Variants in MSH4 observed in about 807,000 individuals in gnomAD.
MSH4 encodes mutS homolog 4.
Under a neutral mutation model 113.7 loss-of-function variants are expected in MSH4, and 106 were observed. That is an observed-to-expected ratio of 0.93 (90% CI 0.80 to 1.10). The LOEUF (loss-of-function observed/expected upper bound fraction) is 1.10, where lower values mean the gene tolerates loss of function less well. MSH4 is among the 50% of genes least tolerant of loss of function. The pLI, the probability that MSH4 is intolerant of heterozygous loss-of-function variation, is 0.00. For missense variants in MSH4, 1,061 were observed against 1,093.7 expected (o/e 0.97, Z 0.42); for synonymous variants, 368 against 380.2 (o/e 0.97, Z 0.37).
At chr1:75,858,232 C>G (rs963140059) in intron 8 of MSH4, among the ~76,000 whole-genome samples, 2 of 152,238 alleles carry the variant, frequency 1.3e-5, no homozygotes, top group African/African-American at 4.8e-5. Context: ...TTGACTTCCT[C>G]TCTTCCTATT....
chr1:75,811,796 C>A (rs1314485980), intron 4 of MSH4, among the ~76,000 whole-genome samples: 1 of 152,178 alleles, frequency 6.6e-6, no homozygotes, highest in African/African-American at 2.4e-5. Context: ...TTTACTTTAA[C>A]ACATTTGGAA....
rs1257963652 is a variant in MSH4 at position 75,904,501 on chromosome 1, T to C, written c.2619+4795T>C. Among the ~76,000 whole-genome samples the C allele has an allele frequency of 2.1e-5, 3 of 145,996 alleles. No individual in the cohort carries two copies. In the Admixed American group the frequency reaches 2.1e-4, roughly 10 times the overall value. ...AGTGAAGTCATCAGGTACTGGCTTT[T>C]CTTCTTTTTCTTTTTCTTTCTTTTT... On this transcript the variant is annotated intron_variant, in intron 19 of 19. Transcript: ENST00000263187.
chr1:75,852,687 A>G (rs1651215087), intron 8 of MSH4, among the ~76,000 whole-genome samples: 1 of 152,000 alleles, frequency 6.6e-6, no homozygotes, highest in Admixed American at 6.6e-5. Context: ...ATTTATTAAT[A>G]TTATTTGCCC....
intron 4 of MSH4, among the ~76,000 whole-genome samples, chr1:75,813,597 A>C (rs1183861060): frequency 2.6e-5 from 4 of 152,174 alleles, no homozygotes; most frequent in Non-Finnish European, 5.9e-5. Context: ...ATTTGGGCAA[A>C]GTTCTGAATG....
At chr1:75,832,740 T>A (rs1165089838) in intron 7 of MSH4, among the ~76,000 whole-genome samples, 1 of 151,402 alleles carries the variant, frequency 6.6e-6, no homozygotes, top group African/African-American at 2.4e-5. Context: ...CCACAGCCCT[T>A]CATGCTAAAA....
chr1:75,839,175 G>C (rs775251463), intron 7 of MSH4, among the ~76,000 whole-genome samples: 9 of 151,960 alleles, frequency 5.9e-5, no homozygotes, highest in Non-Finnish European at 1.2e-4. Flanking sequence ...AAATTTCAAA[G>C]TGATATCTAT....
intron 6 of MSH4, 66 bp from the exon 7 acceptor site, chr1:75,822,343 A>C (rs1294609911): frequency 1.9e-6 from 2 of 1,064,688 alleles, no homozygotes; most frequent in Non-Finnish European, 2.7e-6. Flanking sequence ...ATTTAATTAC[A>C]AAGTGAAATG....
intron 7 of MSH4, among the ~76,000 whole-genome samples, chr1:75,840,688 A>C (rs1430466846): frequency 6.7e-6 from 1 of 148,770 alleles, no homozygotes; most frequent in Non-Finnish European, 1.5e-5. Flanking sequence ...ATAAAAAATA[A>C]AATAAAATAA....
In MSH4 at chr1:75,886,476, A is replaced by G. The variant is rs1233762391; in HGVS notation, c.2107+2655A>G. Among the ~76,000 whole-genome samples the G allele has an allele frequency of 4.0e-5, 5 of 124,822 alleles. No homozygotes were observed. In the Admixed American group the frequency reaches 4.6e-4, roughly 11 times the overall value. 81.9% of individuals were successfully genotyped at this position (124,822 alleles called of 152,430 possible). On this transcript the variant is annotated intron_variant, in intron 15 of 19. Transcript: ENST00000263187. ...TATGATGTATTATATATTATATATA[A>G]TATATATGATGTATTATATATGATG... is the stretch of plus-strand genomic sequence containing the variant.
At chr1:75,886,779 A>G (rs1652131834) in intron 15 of MSH4, among the ~76,000 whole-genome samples, 1 of 140,928 alleles carries the variant, frequency 7.1e-6, no homozygotes, top group South Asian at 2.1e-4. Flanking sequence ...TATAGTTATT[A>G]TACCTTATAT....
At chr1:75,891,214 C>G (rs1185813685) in intron 17 of MSH4, among the ~76,000 whole-genome samples, 6 of 151,994 alleles carry the variant, frequency 3.9e-5, no homozygotes, top group Admixed American at 3.9e-4. Flanking sequence ...TTTTACCTAC[C>G]TAAGTAAATT....
At chr1:75,820,338 T>C (rs1403382515) in intron 6 of MSH4, among the ~76,000 whole-genome samples, 1 of 152,206 alleles carries the variant, frequency 6.6e-6, no homozygotes, top group Admixed American at 6.5e-5. Context: ...CCTCATAAAA[T>C]GAGTTAGGGA....
At chr1:75,911,459 CT>C (rs1285795107) in intron 19 of MSH4, among the ~76,000 whole-genome samples, 5 of 152,086 alleles carry the variant, frequency 3.3e-5, no homozygotes, top group Non-Finnish European at 7.4e-5. Flanking sequence ...TCAAGCTTTT[CT>C]TGGCCTGAGC....
rs189709500 is a variant in MSH4 at position 75,885,256 on chromosome 1, T to C, written c.2107+1435T>C. On this transcript the variant is annotated intron_variant, in intron 15 of 19. Coordinates refer to ENST00000263187, the MANE Select transcript of MSH4 (RefSeq NM_002440.4). Reference sequence around the variant, plus strand: ...AAATATATATATTATATACATTATATATATAAAATATGTATATAATACCGT... The same window carrying C: ...AAATATATATATTATATACATTATACATATAAAATATGTATATAATACCGT... Among the ~76,000 whole-genome samples, 201 of 143,050 alleles carry C rather than the reference T, an allele frequency of 1.4e-3. 1 individual carries two copies. Among genetic ancestry groups the C allele is most frequent in the African/African-American group, 5.0e-3 (195 of 38,950 alleles). The allele number at this position is 143,050 out of a possible 152,430, so 93.8% of individuals were successfully genotyped here.
chr1:75,805,234 C>T (rs1650033865), intron 2 of MSH4, among the ~76,000 whole-genome samples: 1 of 152,096 alleles, frequency 6.6e-6, no homozygotes, highest in African/African-American at 2.4e-5. Flanking sequence ...GCTGTTATCT[C>T]TCTGTTGTAA....
At chr1:75,893,318 A>G (rs982033476) in intron 17 of MSH4, among the ~76,000 whole-genome samples, 1 of 152,180 alleles carries the variant, frequency 6.6e-6, no homozygotes, top group Non-Finnish European at 1.5e-5. Flanking sequence ...TCAAACCCAG[A>G]ATCTCATCCT....
chr1:75,828,494 A>G (rs1418669844), intron 7 of MSH4, among the ~76,000 whole-genome samples: 1 of 152,194 alleles, frequency 6.6e-6, no homozygotes, highest in Non-Finnish European at 1.5e-5. Flanking sequence ...GAATGAAATC[A>G]TGTTCTTTTT....
rs142299451 is a variant in MSH4 at position 75,816,460 on chromosome 1, T to G, written c.903T>G (p.Ile301Met). The G allele has an allele frequency of 3.0e-5, 48 of 1,611,216 alleles. No homozygotes were observed. In the Admixed American group the frequency reaches 5.3e-4, roughly 18 times the overall value. Reference sequence around the variant, plus strand: ...TTTATGCACCAAAATCACTGAAGATTTGTTTCCAGGGTAGTGAACAGACAG... The same window carrying G: ...TTTATGCACCAAAATCACTGAAGATGTGTTTCCAGGGTAGTGAACAGACAG... ...NSVYAPKSLK[I>M]CFQGSEQTAM... The change falls in exon 6 of 20, where the codon ATT (isoleucine) becomes ATG (methionine). Residue 301 changes from isoleucine to methionine, a missense_variant. Transcript: ENST00000263187.
At position 75,879,147 on chromosome 1, in the gene MSH4, A is replaced by C. The variant is rs1238528471; in HGVS notation, c.1677+19A>C. 6.3e-7 allele frequency: 1 copy of C among 1,599,998 alleles called. No individual in the cohort carries two copies. The highest frequency in any genetic ancestry group is 8.5e-7 in the Non-Finnish European group (1 of 1,170,108). ...TATTAAGGTTCATTTTAGAGTGGTTAGGAAATTAGTGTTTCTGATTTTATA... is the reference window on the plus strand; with the variant it reads ...TATTAAGGTTCATTTTAGAGTGGTTCGGAAATTAGTGTTTCTGATTTTATA... On this transcript the variant is annotated intron_variant, in intron 12 of 19. Transcript: ENST00000263187.
Sources: gnomAD v4.1 joint callset for allele counts (sites outside exome capture counted in the v4.1 genomes callset) on GRCh38, gnomAD v4.1.1 for gene constraint, MANE v1.5 for transcripts, NCBI Gene and HGNC (gene_info 2026-07-23, HGNC 2026-07-21) for gene names.